Variants in NRXN1 observed in about 807,000 individuals in gnomAD.
NRXN1 encodes the protein neurexin 1.
Under a neutral mutation model 150.9 loss-of-function variants are expected in NRXN1, and 39 were observed. The observed-to-expected ratio is 0.26, with a 90% CI of 0.20 to 0.34. The LOEUF is 0.34. NRXN1 is among the 10% of genes least tolerant of loss of function. NRXN1 has a pLI of 1.00. For synonymous variants in NRXN1, 924 were observed against 757.0 expected, an observed-to-expected ratio of 1.22 and a Z score of -3.62; for missense variants, 1,815 against 1,949.9, an observed-to-expected ratio of 0.93 and a Z score of 1.30.
chr2:50,512,169 A>G (rs751865698), intron 12 of NRXN1, among the ~76,000 whole-genome samples: 2 of 152,158 alleles, frequency 1.3e-5, no homozygotes, highest in Non-Finnish European at 2.9e-5. Flanking sequence ...AAAGAGTGCA[A>G]TGTTATAGTG....
At chr2:50,292,434 C>A (rs576708367) in intron 17 of NRXN1, among the ~76,000 whole-genome samples, 100 of 152,214 alleles carry the variant, frequency 6.6e-4, no homozygotes, top group African/African-American at 2.4e-3. Flanking sequence ...CATTTTCATC[C>A]TTTAACAGGT....
chr2:50,739,291 T>C (rs1175658735), intron 5 of NRXN1: 3 of 492,188 alleles, frequency 6.1e-6, no homozygotes, highest in Admixed American at 2.0e-5. Context: ...TGTATTAATA[T>C]TGATTTCAAC....
chr2:50,807,417 T>G (rs556014610), intron 5 of NRXN1, among the ~76,000 whole-genome samples: 1 of 152,126 alleles, frequency 6.6e-6, no homozygotes, highest in Non-Finnish European at 1.5e-5. Context: ...ATTATAACTC[T>G]TTTTTTACAA....
intron 5 of NRXN1, among the ~76,000 whole-genome samples, chr2:50,818,123 A>C (rs1446772761): frequency 6.6e-6 from 1 of 151,246 alleles, no homozygotes; most frequent in African/African-American, 2.4e-5. Flanking sequence ...GCAAAAAAAA[A>C]AAAAAAAAAA....
intron 2 of NRXN1, among the ~76,000 whole-genome samples, chr2:51,011,674 T>C (rs1575215305): frequency 6.6e-6 from 1 of 152,088 alleles, no homozygotes; most frequent in Middle Eastern, 3.4e-3. Flanking sequence ...GATCACAAAG[T>C]TTCTGTTGAA....
At chr2:50,116,931 C>T (rs1420927437) in intron 18 of NRXN1, among the ~76,000 whole-genome samples, 2 of 152,056 alleles carry the variant, frequency 1.3e-5, no homozygotes, top group Admixed American at 6.6e-5. Flanking sequence ...ATCCCTGCAC[C>T]TTCCTGGTAT....
chr2:50,363,677 GT>G (rs1310781618), intron 17 of NRXN1, among the ~76,000 whole-genome samples: 1 of 152,202 alleles, frequency 6.6e-6, no homozygotes, highest in Admixed American at 6.5e-5. Context: ...GTGGAAGACA[GT>G]GTGGCGATTC....
intron 8 of NRXN1, among the ~76,000 whole-genome samples, chr2:50,578,048 A>C (rs1671703947): frequency 6.6e-6 from 1 of 152,146 alleles, no homozygotes. Context: ...TCCTACTATA[A>C]TGTTACAAAA....
At chr2:50,940,882 G>GA in intron 2 of NRXN1, among the ~76,000 whole-genome samples, 1 of 152,194 alleles carries the variant, frequency 6.6e-6, no homozygotes, top group African/African-American at 2.4e-5. Flanking sequence ...TTACAAAAAA[G>GA]AAAATCAACA....
intron 5 of NRXN1, among the ~76,000 whole-genome samples, chr2:50,749,405 C>A (rs1368462797): frequency 6.6e-6 from 1 of 152,018 alleles, no homozygotes; most frequent in African/African-American, 2.4e-5. Context: ...GGGATTAGAA[C>A]TTGCTCCCTG....
chr2:50,683,646 A>AAAAAAAAAAAAAAAAAAT, intron 5 of NRXN1, among the ~76,000 whole-genome samples: 1 of 14,906 alleles, frequency 6.7e-5, no homozygotes, highest in South Asian at 6.2e-3. Context: ...AAAAAAAAAA[A>AAAAAAAAAAAAAAAAAAT]ATATATATAT....
chr2:49,957,256 C>T (rs11681792), intron 21 of NRXN1, among the ~76,000 whole-genome samples: 18,441 of 152,102 alleles, frequency 0.12, 1,482 homozygotes, highest in Non-Finnish European at 0.17. Flanking sequence ...AAGTTATTTA[C>T]ACCTATTTTG....
chr2:50,791,904 G>A (rs1242825492), intron 5 of NRXN1, among the ~76,000 whole-genome samples: 12 of 152,138 alleles, frequency 7.9e-5, no homozygotes, highest in Admixed American at 6.6e-4. Flanking sequence ...ACCTCTAAAA[G>A]CATACATTTC....
intron 21 of NRXN1, among the ~76,000 whole-genome samples, chr2:49,997,119 G>A (rs991303583): frequency 3.9e-5 from 6 of 152,006 alleles, no homozygotes; most frequent in African/African-American, 1.4e-4. Flanking sequence ...AATCTTTTTC[G>A]AACACAGTAC....
intron 19 of NRXN1, among the ~76,000 whole-genome samples, chr2:50,084,550 C>T (rs35992900): frequency 0.26 from 40,059 of 151,988 alleles, 5,648 homozygotes; most frequent in Admixed American, 0.39. Context: ...AGGTGGCCTG[C>T]AAGCGCCGCA....
At chr2:50,524,048 T>C (rs2092873479) in intron 12 of NRXN1, among the ~76,000 whole-genome samples, 1 of 152,102 alleles carries the variant, frequency 6.6e-6, no homozygotes, top group African/African-American at 2.4e-5. Flanking sequence ...GAAGAGTGAA[T>C]CTTAATAGAA....
At chr2:51,022,198 C>A (rs149674209) in intron 2 of NRXN1, among the ~76,000 whole-genome samples, 1 of 152,182 alleles carries the variant, frequency 6.6e-6, no homozygotes, top group African/African-American at 2.4e-5. Context: ...AAAAGTAACA[C>A]GTGGACACTT....
chr2:50,662,995 A>G (rs1687514925), intron 5 of NRXN1, among the ~76,000 whole-genome samples: 1 of 152,038 alleles, frequency 6.6e-6, no homozygotes, highest in African/African-American at 2.4e-5. Flanking sequence ...AAACACACAG[A>G]TGATTCTGAT....
At chr2:50,239,662 GTATATATATATATATA>G (rs59505952) in intron 17 of NRXN1, among the ~76,000 whole-genome samples, 1,271 of 47,264 alleles carry the variant, frequency 0.027, 24 homozygotes, top group South Asian at 0.04. Flanking sequence ...ACCTATTCCA[GTATATATATATATATA>G]TATATATATA....
Sources: allele counts gnomAD v4.1 joint callset (sites outside exome capture counted in the v4.1 genomes callset), GRCh38; gene constraint gnomAD v4.1.1; transcripts MANE v1.5; gene names NCBI Gene and HGNC (gene_info 2026-07-23, HGNC 2026-07-21).